The following DIP2A variants were observed in gnomAD, a reference collection of about 807,000 sequenced individuals.
DIP2A encodes disco-interacting protein 2 homolog A.
DIP2A carries 85 observed loss-of-function variants against 177.4 expected under a neutral mutation model. That is an observed-to-expected ratio of 0.48 (90% CI 0.40 to 0.57). The LOEUF (loss-of-function observed/expected upper bound fraction) is 0.57. Among genes scored for constraint, DIP2A ranks in the 20% least tolerant of loss-of-function variants. The probability of loss-of-function intolerance (pLI) is 0.00; values close to 1 mark genes in which losing one functional copy is unlikely to be tolerated. For synonymous variants in DIP2A, 886 were observed against 881.8 expected, an observed-to-expected ratio of 1.00 and a Z score of -0.08; for missense variants, 1,791 against 2,100.2, an observed-to-expected ratio of 0.85 and a Z score of 2.88.
Position 46,546,913 on chromosome 21 carries a change from A to G in DIP2A, c.2395-2A>G. ...AGTCTTGACGCACACCCTTTCCCTC[A>G]GGACAACCTGGTCTTCATCGTGGGC... is the stretch of plus-strand genomic sequence containing the variant. On this transcript the variant is annotated splice_acceptor_variant, in intron 20 of 37. Coordinates refer to ENST00000417564, the MANE Select transcript of DIP2A (RefSeq NM_015151.4). LOFTEE classifies it high-confidence loss of function. 6.2e-7 allele frequency: 1 copy of G among 1,613,650 alleles called. No individual in the cohort carries two copies. The highest frequency in any genetic ancestry group is 1.7e-5 in the Admixed American group (1 of 59,994).
chr21:46,461,140 T>TA (rs1000776687), intron 1 of DIP2A, among the ~76,000 whole-genome samples: 1 of 150,624 alleles, frequency 6.6e-6, no homozygotes, highest in African/African-American at 2.4e-5. Context: ...TCTACAGTAT[T>TA]AAAAAAAATT....
chr21:46,558,762 C>G, intron 32 of DIP2A: 1 of 271,148 alleles, frequency 3.7e-6, no homozygotes, highest in South Asian at 3.5e-5. Context: ...TGTGTTGACT[C>G]AAATTCATTT....
intron 1 of DIP2A, among the ~76,000 whole-genome samples, chr21:46,481,212 A>G (rs2056321255): frequency 6.8e-6 from 1 of 147,242 alleles, no homozygotes; most frequent in Non-Finnish European, 1.5e-5. Flanking sequence ...AAATGGAATC[A>G]TATAGCATGT....
rs960734349 is a variant in DIP2A at position 46,568,808 on chromosome 21, G to GT, written c.*1187dup. The GT allele has an allele frequency of 2.6e-5, 4 of 152,148 alleles. No homozygotes were observed. The highest frequency in any genetic ancestry group is 5.9e-5 in the Non-Finnish European group (4 of 68,042). The allele number at this position is 152,148 out of a possible 1,614,324, so 9.4% of individuals were successfully genotyped here. Reference sequence around the variant, plus strand: ...AAAGTCTAAGGTTTTCATATCCATAGTGCTGTTTGGTGAGTACCGGCAGTA... The same window carrying GT: ...AAAGTCTAAGGTTTTCATATCCATAGTTGCTGTTTGGTGAGTACCGGCAGTA... On this transcript the variant is annotated 3_prime_UTR_variant, in exon 38 of 38. Transcript: ENST00000417564.
intron 8 of DIP2A, among the ~76,000 whole-genome samples, chr21:46,512,450 C>T (rs75293543): frequency 0.042 from 6,315 of 152,152 alleles, 199 homozygotes; most frequent in Non-Finnish European, 0.063. Context: ...CTTTTCTCAC[C>T]AGCTTTTGAT....
At chr21:46,531,683 C>T (rs764219122) in intron 9 of DIP2A, among the ~76,000 whole-genome samples, 10 of 152,328 alleles carry the variant, frequency 6.6e-5, no homozygotes, top group South Asian at 2.1e-4. Flanking sequence ...TATAATATTA[C>T]ACTTTATAAA....
At chr21:46,503,693 T>C (rs2057820649) in intron 5 of DIP2A, among the ~76,000 whole-genome samples, 1 of 148,694 alleles carries the variant, frequency 6.7e-6, no homozygotes, top group African/African-American at 2.5e-5. Flanking sequence ...TTTCTTTCTT[T>C]CTTCTTTCTC....
intron 1 of DIP2A, among the ~76,000 whole-genome samples, chr21:46,482,626 T>C (rs1408480285): frequency 6.7e-6 from 1 of 149,202 alleles, no homozygotes; most frequent in East Asian, 1.9e-4. Flanking sequence ...GAAGGCTTTG[T>C]CATTATAGGA....
At chr21:46,508,038 C>T (rs1410348398) in intron 6 of DIP2A, among the ~76,000 whole-genome samples, 1 of 150,686 alleles carries the variant, frequency 6.6e-6, no homozygotes, top group African/African-American at 2.4e-5. Flanking sequence ...GTGCCCAGCC[C>T]CCCATTTTTT....
intron 8 of DIP2A, among the ~76,000 whole-genome samples, chr21:46,526,801 C>T (rs768973832): frequency 2.0e-5 from 3 of 152,188 alleles, no homozygotes; most frequent in Non-Finnish European, 2.9e-5. Context: ...GCTACACCAT[C>T]GTGTCATCTG....
intron 1 of DIP2A, among the ~76,000 whole-genome samples, chr21:46,476,187 G>C (rs938950839): frequency 2.0e-5 from 3 of 151,558 alleles, no homozygotes; most frequent in African/African-American, 7.3e-5. Flanking sequence ...AGCTTGCAGT[G>C]AGCTGAGATC....
chr21:46,550,770 C>G (rs890955705), intron 23 of DIP2A, 26 bp downstream of exon 23: 6 of 1,610,022 alleles, frequency 3.7e-6, no homozygotes, highest in Non-Finnish European at 5.1e-6. Flanking sequence ...CAACAGGATG[C>G]TCTCTAGTCT....
the DIP2A span, among the ~76,000 whole-genome samples, chr21:46,582,761 C>T: frequency 6.6e-6 from 1 of 152,146 alleles, no homozygotes; most frequent in African/African-American, 2.4e-5. Context: ...GCCATCTTTC[C>T]ACTTTGCTGG....
intron 37 of DIP2A, among the ~76,000 whole-genome samples, chr21:46,567,070 A>C (rs531320803): frequency 6.6e-6 from 1 of 152,236 alleles, no homozygotes; most frequent in Admixed American, 6.5e-5. Context: ...AAGTGTTTCT[A>C]CTTTTAATAT....
At chr21:46,538,456 G>A (rs1345914749) in intron 15 of DIP2A, 27 bp from the exon 16 acceptor site, 2 of 1,539,460 alleles carry the variant, frequency 1.3e-6, no homozygotes, top group Admixed American at 3.9e-5. Flanking sequence ...GTGACGCAGG[G>A]ATGTCTGTGC....
At chr21:46,479,436 T>TA in intron 1 of DIP2A, among the ~76,000 whole-genome samples, 1 of 152,354 alleles carries the variant, frequency 6.6e-6, no homozygotes, top group Non-Finnish European at 1.5e-5. Context: ...ACTACACATT[T>TA]AAAAAGCCCG....
downstream of DIP2A, among the ~76,000 whole-genome samples, chr21:46,574,122 A>C (rs1197000288): frequency 3.3e-5 from 5 of 152,216 alleles, no homozygotes; most frequent in Non-Finnish European, 7.3e-5. Flanking sequence ...ATTAAGTCTC[A>C]ATAGATTTAA....
In DIP2A at chr21:46,567,539, C is replaced by T. The variant is rs753240266; in HGVS notation, c.4633C>T (p.Arg1545Trp). Residue 1545 changes from arginine to tryptophan, a missense_variant, in exon 38 of 38, where the codon CGG becomes TGG. By Grantham distance (101) the Arg-to-Trp change is moderately radical. Coordinates refer to ENST00000417564, the MANE Select transcript of DIP2A (RefSeq NM_015151.4). The stretch of plus-strand genomic sequence containing the variant: ...CCCAGGGGTGATCCCTATCAACTCT[C>T]GGGGTGAGAAGCAGCGCATGCACCT... The part of the protein sequence containing the change: ...VDPGVIPINS[R>W]GEKQRMHLRD... 7 of 1,613,840 alleles carry T rather than the reference C, an allele frequency of 4.3e-6. No homozygotes were observed. Among genetic ancestry groups the T allele is most frequent in the Non-Finnish European group, 5.9e-6 (7 of 1,179,838 alleles).
chr21:46,491,712 T>C (rs577631305), intron 3 of DIP2A, among the ~76,000 whole-genome samples: 40 of 152,316 alleles, frequency 2.6e-4, no homozygotes, highest in African/African-American at 8.2e-4. Flanking sequence ...GTACTTTCCA[T>C]GAGAGTGGTC....
Sources: allele counts gnomAD v4.1 joint callset (sites outside exome capture counted in the v4.1 genomes callset), GRCh38; gene constraint gnomAD v4.1.1; transcripts MANE v1.5; gene names NCBI Gene and HGNC (gene_info 2026-07-23, HGNC 2026-07-21).